FRK: variants seen among roughly 807,000 people sequenced by gnomAD.
The protein encoded by FRK is fyn related Src family tyrosine kinase.
In FRK, 51 loss-of-function variants were observed where a neutral mutation model predicts 56.4. The ratio of observed to expected loss-of-function variants is 0.90; its 90% CI spans 0.72 to 1.14. FRK has a LOEUF of 1.14. Among genes scored for constraint, FRK ranks in the 50% most tolerant of loss-of-function variants. FRK has a pLI of 0.00. For synonymous variants in FRK, 245 were observed against 217.9 expected, an observed-to-expected ratio of 1.12 and a Z score of -1.10; for missense variants, 570 against 601.4, an observed-to-expected ratio of 0.95 and a Z score of 0.55.
the FRK span, among the ~76,000 whole-genome samples, chr6:116,092,326 G>A: frequency 1.1e-4 from 17 of 152,246 alleles, no homozygotes; most frequent in Middle Eastern, 3.4e-3. Flanking sequence ...GACAAAAGGC[G>A]TCACTCTTCC....
chr6:116,031,439 G>A (rs1776301159), intron 1 of FRK, among the ~76,000 whole-genome samples: 1 of 152,108 alleles, frequency 6.6e-6, no homozygotes, highest in Non-Finnish European at 1.5e-5. Flanking sequence ...ATTTCAGAGA[G>A]GAGGAAAATC....
At chr6:116,000,371 T>A (rs1053201073) in intron 2 of FRK, among the ~76,000 whole-genome samples, 3 of 151,828 alleles carry the variant, frequency 2.0e-5, no homozygotes, top group Non-Finnish European at 2.9e-5. Flanking sequence ...GCCTCCCTAG[T>A]AGCTGGAATT....
At chr6:116,024,566 T>G (rs1342854873) in intron 1 of FRK, among the ~76,000 whole-genome samples, 1 of 152,112 alleles carries the variant, frequency 6.6e-6, no homozygotes, top group Non-Finnish European at 1.5e-5. Context: ...ATTTCCAACT[T>G]CATCCATGTC....
chr6:116,087,309 A>G, the FRK span, among the ~76,000 whole-genome samples: 1 of 152,222 alleles, frequency 6.6e-6, no homozygotes, highest in East Asian at 1.9e-4. Context: ...GTTTACTAGC[A>G]TTTAAAAAGA....
intron 1 of FRK, among the ~76,000 whole-genome samples, chr6:116,049,805 T>C (rs1777119506): frequency 6.6e-6 from 1 of 152,222 alleles, no homozygotes; most frequent in South Asian, 2.1e-4. Flanking sequence ...TCCCTGACCA[T>C]TGCTCTACTA....
intron 1 of FRK, among the ~76,000 whole-genome samples, chr6:116,027,383 A>T (rs920593703): frequency 6.6e-6 from 1 of 152,172 alleles, no homozygotes; most frequent in Non-Finnish European, 1.5e-5. Flanking sequence ...CAAGTCATAG[A>T]ATTTAAGACT....
intron 1 of FRK, among the ~76,000 whole-genome samples, chr6:116,019,172 C>A (rs556565493): frequency 8.5e-5 from 13 of 152,250 alleles, no homozygotes; most frequent in African/African-American, 3.1e-4. Context: ...TTGATTAATT[C>A]CTACTTCCCA....
chr6:115,990,950 T>A (rs139436906), intron 2 of FRK, among the ~76,000 whole-genome samples: 102 of 151,916 alleles, frequency 6.7e-4, no homozygotes, highest in African/African-American at 2.0e-3. Flanking sequence ...GTTTCTTTCA[T>A]CAGTGTTTTA....
the FRK span, among the ~76,000 whole-genome samples, chr6:116,074,941 G>A: frequency 7.9e-5 from 12 of 152,204 alleles, no homozygotes; most frequent in Non-Finnish European, 1.5e-4. Flanking sequence ...TACAATCTGG[G>A]AAGCCAGGCA....
chr6:116,016,187 G>C (rs1377001966), intron 1 of FRK, among the ~76,000 whole-genome samples: 1 of 152,132 alleles, frequency 6.6e-6, no homozygotes, highest in African/African-American at 2.4e-5. Context: ...TGGGTACAGG[G>C]TCCTGCTGCT....
At chr6:116,100,377 C>T in the FRK span, among the ~76,000 whole-genome samples, 1 of 152,186 alleles carries the variant, frequency 6.6e-6, no homozygotes, top group African/African-American at 2.4e-5. Flanking sequence ...TCAAAGATCA[C>T]GTGGGTGAAA....
chr6:116,072,694 G>T, the FRK span, among the ~76,000 whole-genome samples: 1 of 152,080 alleles, frequency 6.6e-6, no homozygotes, highest in East Asian at 1.9e-4. Context: ...AGCTTCCACT[G>T]ACCTGATAGG....
chr6:116,079,027 G>T, the FRK span, among the ~76,000 whole-genome samples: 2 of 151,978 alleles, frequency 1.3e-5, no homozygotes, highest in Non-Finnish European at 2.9e-5. Context: ...ATTCTGTTGG[G>T]ATGCACTTTT....
intron 2 of FRK, among the ~76,000 whole-genome samples, chr6:115,988,486 T>C (rs3798236): frequency 0.33 from 49,671 of 151,830 alleles, 8,321 homozygotes; most frequent in Admixed American, 0.4. Context: ...TGTTTTCAAC[T>C]AAAATCAGAT....
At chr6:116,028,251 C>T (rs1296548388) in intron 1 of FRK, among the ~76,000 whole-genome samples, 1 of 152,078 alleles carries the variant, frequency 6.6e-6, no homozygotes, top group Non-Finnish European at 1.5e-5. Flanking sequence ...TTAAAAATTT[C>T]CTATACTAAT....
the FRK span, among the ~76,000 whole-genome samples, chr6:116,070,633 A>C: frequency 6.6e-6 from 1 of 152,164 alleles, no homozygotes; most frequent in Non-Finnish European, 1.5e-5. Flanking sequence ...CATATATCCA[A>C]TCAGTATTTT....
At chr6:116,039,306 CGAGAAGTTCT>C in intron 1 of FRK, 2 of 1,438,052 alleles carry the variant, frequency 1.4e-6, no homozygotes, top group Admixed American at 3.4e-5. Flanking sequence ...AGGAAGTACA[CGAGAAGTTCT>C]GAGAATGGTG....
chr6:116,099,851 A>G, the FRK span, among the ~76,000 whole-genome samples: 4 of 152,326 alleles, frequency 2.6e-5, no homozygotes, highest in East Asian at 7.7e-4. Context: ...TAAATTGAGA[A>G]CTGAAGCAGT....
intron 1 of FRK, among the ~76,000 whole-genome samples, chr6:116,017,917 C>T (rs1775712972): frequency 6.6e-6 from 1 of 152,166 alleles, no homozygotes. Flanking sequence ...TTATTTTCAA[C>T]CCTTACAAAA....
Sources: allele counts gnomAD v4.1 joint callset (sites outside exome capture counted in the v4.1 genomes callset), GRCh38; gene constraint gnomAD v4.1.1; transcripts MANE v1.5; gene names NCBI Gene and HGNC (gene_info 2026-07-23, HGNC 2026-07-21).